Variants in VWC2L observed in about 807,000 individuals in gnomAD.
VWC2L encodes the protein von Willebrand factor C domain-containing protein 2-like.
VWC2L carries 10 observed loss-of-function variants against 21.6 expected under a neutral mutation model. The observed-to-expected ratio is 0.46, with a 90% CI of 0.29 to 0.78. The LOEUF is 0.78. Ranked by LOEUF, VWC2L falls within the 30% of genes least tolerant of loss-of-function variation. VWC2L has a pLI of 0.10. For synonymous variants in VWC2L, 96 were observed against 94.3 expected (o/e 1.02, Z -0.10); for missense variants, 209 against 277.1 (o/e 0.75, Z 1.74).
At chr2:214,480,647 T>TG (rs1211244437) in intron 3 of VWC2L, among the ~76,000 whole-genome samples, 1 of 152,082 alleles carries the variant, frequency 6.6e-6, no homozygotes, top group East Asian at 1.9e-4. Context: ...GTTTTCATTC[T>TG]GGGGATAACT....
intron 3 of VWC2L, among the ~76,000 whole-genome samples, chr2:214,490,059 C>A (rs920114865): frequency 6.6e-6 from 1 of 152,130 alleles, no homozygotes; most frequent in African/African-American, 2.4e-5. Flanking sequence ...CAGTCTGCCA[C>A]AAATAGCTGA....
intron 3 of VWC2L, among the ~76,000 whole-genome samples, chr2:214,553,303 C>T (rs1005932916): frequency 2.6e-5 from 4 of 152,230 alleles, no homozygotes; most frequent in African/African-American, 7.2e-5. Context: ...GCCTATGACA[C>T]AGCCCCAGGG....
At chr2:214,469,033 A>C (rs1313648806) in intron 3 of VWC2L, among the ~76,000 whole-genome samples, 1 of 152,104 alleles carries the variant, frequency 6.6e-6, no homozygotes, top group East Asian at 1.9e-4. Context: ...TAAGCACATA[A>C]ATACTTTCAG....
intron 3 of VWC2L, among the ~76,000 whole-genome samples, chr2:214,559,062 G>T (rs1423205061): frequency 2.1e-5 from 3 of 140,562 alleles, no homozygotes; most frequent in African/African-American, 5.7e-5. Flanking sequence ...CCTACAAAAT[G>T]GGAGAAAATT....
intron 3 of VWC2L, among the ~76,000 whole-genome samples, chr2:214,467,385 G>A (rs997713477): frequency 4.9e-5 from 7 of 143,836 alleles, no homozygotes; most frequent in Admixed American, 1.3e-4. Flanking sequence ...TGGTCTTTCT[G>A]AAATCTTAGC....
At chr2:214,423,722 T>C (rs541690185) in intron 2 of VWC2L, among the ~76,000 whole-genome samples, 1 of 152,182 alleles carries the variant, frequency 6.6e-6, no homozygotes, top group Non-Finnish European at 1.5e-5. Context: ...ATGGGGCCCA[T>C]TGTCTAAAAC....
intron 3 of VWC2L, among the ~76,000 whole-genome samples, chr2:214,544,546 C>T (rs190385665): frequency 6.6e-6 from 1 of 152,046 alleles, no homozygotes; most frequent in Non-Finnish European, 1.5e-5. Context: ...CTTGTTACTC[C>T]CTGATATAGG....
intron 3 of VWC2L, among the ~76,000 whole-genome samples, chr2:214,487,859 T>G (rs1482387281): frequency 1.3e-5 from 2 of 152,170 alleles, no homozygotes; most frequent in East Asian, 1.9e-4. Context: ...GGGGCTTTAT[T>G]AGAATAGGTA....
chr2:214,549,079 G>C (rs542332667), intron 3 of VWC2L, among the ~76,000 whole-genome samples: 1 of 151,970 alleles, frequency 6.6e-6, no homozygotes, highest in African/African-American at 2.4e-5. Flanking sequence ...TGCATTACTC[G>C]GCTCAAGACT....
At chr2:214,461,790 C>T (rs1256385808) in intron 3 of VWC2L, among the ~76,000 whole-genome samples, 1 of 152,124 alleles carries the variant, frequency 6.6e-6, no homozygotes, top group African/African-American at 2.4e-5. Context: ...ATGGCAGTGG[C>T]GGCAGTGGCA....
chr2:214,561,400 C>T (rs766371479), intron 3 of VWC2L, among the ~76,000 whole-genome samples: 27 of 152,100 alleles, frequency 1.8e-4, no homozygotes, highest in Non-Finnish European at 2.9e-4. Flanking sequence ...AGTAGAAATA[C>T]TATGTGAGCC....
At chr2:214,478,931 C>T (rs1688563736) in intron 3 of VWC2L, among the ~76,000 whole-genome samples, 1 of 152,190 alleles carries the variant, frequency 6.6e-6, no homozygotes, top group South Asian at 2.1e-4. Flanking sequence ...TTTCAAAGCT[C>T]TCACTTCTGC....
intron 3 of VWC2L, among the ~76,000 whole-genome samples, chr2:214,531,689 AG>A (rs1406327139): frequency 6.6e-6 from 1 of 152,128 alleles, no homozygotes; most frequent in South Asian, 2.1e-4. Context: ...GTACAGCTAA[AG>A]CAATTTCTCA....
At chr2:214,473,560 G>A (rs1353620672) in intron 3 of VWC2L, 2 of 152,142 alleles carry the variant, frequency 1.3e-5, no homozygotes, top group African/African-American at 4.8e-5. Context: ...ACCAGGTCTG[G>A]AAGTGAGACA....
At chr2:214,492,348 C>T (rs1257256804) in intron 3 of VWC2L, among the ~76,000 whole-genome samples, 1 of 152,214 alleles carries the variant, frequency 6.6e-6, no homozygotes, top group Non-Finnish European at 1.5e-5. Context: ...AAGAACTCCA[C>T]AGTTCATCAA....
chr2:214,507,931 C>CCATTAATGTAAG (rs1204097699), intron 3 of VWC2L, among the ~76,000 whole-genome samples: 1 of 152,024 alleles, frequency 6.6e-6, no homozygotes, highest in Non-Finnish European at 1.5e-5. Context: ...TTTAAAAAGC[C>CCATTAATGTAAG]CATTAATGTA....
At chr2:214,432,580 A>T (rs1186113606) in intron 2 of VWC2L, among the ~76,000 whole-genome samples, 1 of 152,224 alleles carries the variant, frequency 6.6e-6, no homozygotes, top group Non-Finnish European at 1.5e-5. Flanking sequence ...TCTTTATCTG[A>T]AGCTTCTAAT....
At chr2:214,450,530 T>C (rs927385805) in intron 3 of VWC2L, among the ~76,000 whole-genome samples, 4 of 152,220 alleles carry the variant, frequency 2.6e-5, no homozygotes, top group African/African-American at 9.6e-5. Context: ...TCAGTTTAGT[T>C]ACATATATTT....
chr2:214,513,258 C>G (rs909790580), intron 3 of VWC2L, among the ~76,000 whole-genome samples: 2 of 152,100 alleles, frequency 1.3e-5, no homozygotes, highest in Non-Finnish European at 2.9e-5. Flanking sequence ...TTCCCCTGAC[C>G]TTCAAAGCAG....
Sources: allele counts gnomAD v4.1 joint callset (sites outside exome capture counted in the v4.1 genomes callset), GRCh38; gene constraint gnomAD v4.1.1; transcripts MANE v1.5; gene names NCBI Gene and HGNC (gene_info 2026-07-23, HGNC 2026-07-21).